AGFG1: variants seen among roughly 807,000 people sequenced by gnomAD.
AGFG1 encodes the protein arf-GAP domain and FG repeat-containing protein 1.
A neutral mutation model predicts 60.6 loss-of-function variants in AGFG1; 10 were observed. The observed-to-expected ratio is 0.16, with a 90% CI of 0.10 to 0.28. The LOEUF (loss-of-function observed/expected upper bound fraction) is 0.28, where lower values mean the gene tolerates loss of function less well. Ranked by LOEUF, AGFG1 falls within the 10% of genes least tolerant of loss-of-function variation. The probability of loss-of-function intolerance (pLI) is 1.00; values close to 1 mark genes in which losing one functional copy is unlikely to be tolerated. For synonymous variants in AGFG1, 247 were observed against 242.9 expected (o/e 1.02, Z -0.16); for missense variants, 537 against 676.5 (o/e 0.79, Z 2.29).
intron 1 of AGFG1, among the ~76,000 whole-genome samples, chr2:227,489,789 T>G (rs1342443309): frequency 2.0e-5 from 3 of 151,984 alleles, no homozygotes; most frequent in African/African-American, 7.3e-5. Context: ...ATTGAGGAGC[T>G]TCTCCTTTGT....
chr2:227,544,792 C>G (rs953145724), intron 10 of AGFG1, among the ~76,000 whole-genome samples: 5 of 152,174 alleles, frequency 3.3e-5, no homozygotes, highest in African/African-American at 1.2e-4. Context: ...GGCCACCACT[C>G]TTTTCTGGCT....
At chr2:227,522,549 C>G (rs1691857062) in intron 3 of AGFG1, among the ~76,000 whole-genome samples, 1 of 152,122 alleles carries the variant, frequency 6.6e-6, no homozygotes, top group Non-Finnish European at 1.5e-5. Flanking sequence ...TTGTTTAAAC[C>G]TAGGCAACTC....
chr2:227,489,223 G>GTTTTTTTTT (rs55762248), intron 1 of AGFG1, among the ~76,000 whole-genome samples: 1 of 74,812 alleles, frequency 1.3e-5, no homozygotes, highest in African/African-American at 5.7e-5. Flanking sequence ...AGTTTTGAGA[G>GTTTTTTTTT]TTTTTTTTTT....
chr2:227,532,863 A>T (rs112950373), intron 6 of AGFG1, among the ~76,000 whole-genome samples: 114 of 152,286 alleles, frequency 7.5e-4, no homozygotes, highest in African/African-American at 2.5e-3. Flanking sequence ...CAGGATATAT[A>T]TAATAGTGGC....
At position 227,477,443 on chromosome 2, in the gene AGFG1, T is replaced by C. The variant is rs577160124; in HGVS notation, c.167+4855T>C. Among the ~76,000 whole-genome samples, 100 of 152,330 alleles carry C rather than the reference T, an allele frequency of 6.6e-4. No individual in the cohort carries two copies. In the Middle Eastern group the frequency reaches 0.017, roughly 26 times the overall value. Reference sequence around the variant, plus strand: ...GCACACTCTTAGTGTTTTGCTGTTATAACCTGCTAGAAGTTGGGATCTGGA... The same window carrying C: ...GCACACTCTTAGTGTTTTGCTGTTACAACCTGCTAGAAGTTGGGATCTGGA... On this transcript the variant is annotated intron_variant, in intron 1 of 12. Transcript: ENST00000310078.
intron 1 of AGFG1, among the ~76,000 whole-genome samples, chr2:227,477,243 G>A (rs2106150878): frequency 6.6e-6 from 1 of 152,154 alleles, no homozygotes; most frequent in Non-Finnish European, 1.5e-5. Context: ...TTTATTTTAA[G>A]CAAATATTTA....
At chr2:227,505,383 T>C (rs1691281261) in intron 2 of AGFG1, among the ~76,000 whole-genome samples, 1 of 152,212 alleles carries the variant, frequency 6.6e-6, no homozygotes, top group Non-Finnish European at 1.5e-5. Context: ...GAAAATTTTA[T>C]CATTTTCCTT....
chr2:227,547,668 G>A lies in AGFG1; in HGVS notation c.1379-4291G>A, dbSNP rs11884224. Among the ~76,000 whole-genome samples the A allele has an allele frequency of 3.6e-3, 545 of 152,180 alleles. 1 individual carries two copies. The highest frequency in any genetic ancestry group is 0.012 in the African/African-American group (514 of 41,526). The stretch of plus-strand genomic sequence containing the variant: ...CATTTCTCTAAGAAGGTATACAGAT[G>A]GCCAATAAAAGAAAAGACAGTGATG... On this transcript the variant is annotated intron_variant, in intron 10 of 12. Coordinates refer to ENST00000310078, the MANE Select transcript of AGFG1 (RefSeq NM_004504.5).
At chr2:227,528,917 TA>T (rs1322560738) in intron 5 of AGFG1, among the ~76,000 whole-genome samples, 1 of 152,212 alleles carries the variant, frequency 6.6e-6, no homozygotes, top group African/African-American at 2.4e-5. Flanking sequence ...AGAAAGTGGT[TA>T]ATCTTAACTG....
At chr2:227,516,054 A>G (rs956534303) in intron 2 of AGFG1, among the ~76,000 whole-genome samples, 3 of 152,180 alleles carry the variant, frequency 2.0e-5, no homozygotes, top group African/African-American at 7.2e-5. Flanking sequence ...GTATAGTTTG[A>G]ATCTCTCTTT....
In AGFG1 at chr2:227,560,940, G is replaced by A. The variant is rs1307799188; in HGVS notation, c.*6445G>A. 1 of 152,118 alleles carries A rather than the reference G, an allele frequency of 6.6e-6. No homozygotes were observed. Among genetic ancestry groups the A allele is most frequent in the Middle Eastern group, 3.2e-3 (1 of 316 alleles). 9.4% of individuals were successfully genotyped at this position (152,118 alleles called of 1,614,324 possible). On this transcript the variant is annotated 3_prime_UTR_variant, in exon 13 of 13. Transcript: ENST00000310078. ...CTTTGCACTTTAAATCCTAGGAATA[G>A]GGAACAAGGAAACTTACTGGGAAGT...
At chr2:227,517,415 G>A (rs1421753409) in intron 2 of AGFG1, among the ~76,000 whole-genome samples, 1 of 152,146 alleles carries the variant, frequency 6.6e-6, no homozygotes, top group South Asian at 2.1e-4. Flanking sequence ...ACAGGCATGC[G>A]CCACCATGCC....
chr2:227,525,662 T>A (rs1243389908), intron 5 of AGFG1, among the ~76,000 whole-genome samples: 34 of 152,216 alleles, frequency 2.2e-4, no homozygotes, highest in Non-Finnish European at 1.5e-5. Context: ...TTTTCAGTAG[T>A]CTGAATTAGT....
At chr2:227,505,421 C>G (rs1371907624) in intron 2 of AGFG1, among the ~76,000 whole-genome samples, 1 of 152,152 alleles carries the variant, frequency 6.6e-6, no homozygotes, top group South Asian at 2.1e-4. Flanking sequence ...CTCATTCTCT[C>G]TCAGCTCTCC....
intron 2 of AGFG1, among the ~76,000 whole-genome samples, chr2:227,494,671 C>T (rs539171253): frequency 6.6e-6 from 1 of 152,288 alleles, no homozygotes; most frequent in South Asian, 2.1e-4. Context: ...ACCTGCATGC[C>T]ATATGCTATG....
chr2:227,472,251 G>A lies in AGFG1; in HGVS notation c.-171G>A, dbSNP rs1024196192. On this transcript the variant is annotated 5_prime_UTR_variant, in exon 1 of 13. Transcript: ENST00000310078. ...CGTCAGCCCGCGTACCACAGCGCCCGGGCCGCGTCGAGCCCAGTACAGCCA... is the reference window on the plus strand; with the variant it reads ...CGTCAGCCCGCGTACCACAGCGCCCAGGCCGCGTCGAGCCCAGTACAGCCA... 10 of 222,016 alleles carry A rather than the reference G, an allele frequency of 4.5e-5. No individual in the cohort carries two copies. Among genetic ancestry groups the A allele is most frequent in the Non-Finnish European group, 6.8e-5 (9 of 131,948 alleles). 13.8% of individuals were successfully genotyped at this position (222,016 alleles called of 1,614,324 possible).
At chr2:227,494,245 C>CGTGCAAGT (rs78832179) in intron 2 of AGFG1, among the ~76,000 whole-genome samples, 2,662 of 152,250 alleles carry the variant, frequency 0.017, 60 homozygotes, top group Middle Eastern at 0.071. Context: ...ATGGATTTCA[C>CGTGCAAGT]GTGCAAGTGT....
chr2:227,506,136 A>C (rs1691305521), intron 2 of AGFG1, among the ~76,000 whole-genome samples: 1 of 151,820 alleles, frequency 6.6e-6, no homozygotes, highest in Admixed American at 6.6e-5. Flanking sequence ...TCGCTGTTTG[A>C]TTTTTCTTTT....
At chr2:227,536,388 C>G (rs1468732162) in intron 8 of AGFG1, among the ~76,000 whole-genome samples, 1 of 151,996 alleles carries the variant, frequency 6.6e-6, no homozygotes, top group Non-Finnish European at 1.5e-5. Context: ...TAGTCATATT[C>G]CTTCCCACTA....
Sources: allele counts gnomAD v4.1 joint callset (sites outside exome capture counted in the v4.1 genomes callset), GRCh38; gene constraint gnomAD v4.1.1; transcripts MANE v1.5; gene names NCBI Gene and HGNC (gene_info 2026-07-23, HGNC 2026-07-21).